SEMA3A: variants seen among roughly 807,000 people sequenced by gnomAD.
SEMA3A encodes the protein semaphorin-3A.
In SEMA3A, 29 loss-of-function variants were observed where a neutral mutation model predicts 97.9. That is an observed-to-expected ratio of 0.30 (90% confidence interval 0.22 to 0.40). SEMA3A has a LOEUF of 0.40. Ranked by LOEUF, SEMA3A falls within the 10% of genes least tolerant of loss-of-function variation. SEMA3A has a pLI of 1.00. For missense variants in SEMA3A, 763 were observed against 951.3 expected (o/e 0.80, Z 2.60); for synonymous variants, 321 against 323.7 (o/e 0.99, Z 0.09).
chr7:84,150,365 G>C (rs1177185298), intron 1 of SEMA3A, among the ~76,000 whole-genome samples: 3 of 152,152 alleles, frequency 2.0e-5, no homozygotes, highest in Non-Finnish European at 4.4e-5. Flanking sequence ...GACAGTGGGC[G>C]CAGGTCAGTG....
intron 3 of SEMA3A, among the ~76,000 whole-genome samples, chr7:84,226,118 A>C: frequency 6.6e-6 from 1 of 152,116 alleles, no homozygotes; most frequent in Admixed American, 6.6e-5. Flanking sequence ...GAGAAAAATT[A>C]TATTTTTCCA....
intron 12 of SEMA3A, among the ~76,000 whole-genome samples, chr7:83,999,167 A>G (rs1790337973): frequency 6.6e-6 from 1 of 152,186 alleles, no homozygotes; most frequent in Admixed American, 6.5e-5. Context: ...TGTGGGATTT[A>G]TTCTTGTCCA....
chr7:84,407,889 T>C (rs1448415539), intron 1 of SEMA3A, among the ~76,000 whole-genome samples: 1 of 152,066 alleles, frequency 6.6e-6, no homozygotes, highest in African/African-American at 2.4e-5. Flanking sequence ...ATACAAAAAT[T>C]AATTCGAGAT....
At position 84,025,848 on chromosome 7, in the gene SEMA3A, G is replaced by A. The variant is rs564966036; in HGVS notation, c.668-11497C>T. ...ATGTTCAAGGTACAAACTAGTAACT[G>A]GCAGAGCCAGGGCATAACAAGAGCC... On this transcript the variant is annotated intron_variant, in intron 6 of 16. Transcript: ENST00000265362. Among the ~76,000 whole-genome samples, 36 of 152,310 alleles carry A rather than the reference G, an allele frequency of 2.4e-4. 2 individuals are homozygous for A. In the South Asian group the frequency reaches 7.3e-3, roughly 31 times the overall value.
intron 4 of SEMA3A, among the ~76,000 whole-genome samples, chr7:84,081,588 G>A (rs963897943): frequency 8.5e-6 from 1 of 118,134 alleles, no homozygotes; most frequent in Non-Finnish European, 1.7e-5. Flanking sequence ...GCGAGACTCC[G>A]TCTCTTAAAA....
chr7:84,015,779 G>A (rs75583389), intron 6 of SEMA3A, among the ~76,000 whole-genome samples: 1,578 of 152,164 alleles, frequency 0.01, 13 homozygotes, highest in Middle Eastern at 0.024. Flanking sequence ...TTTAACATTT[G>A]CTCTGGGACC....
intron 3 of SEMA3A, among the ~76,000 whole-genome samples, chr7:84,113,069 T>C (rs780146141): frequency 6.6e-5 from 10 of 152,196 alleles, no homozygotes; most frequent in Non-Finnish European, 1.3e-4. Context: ...ATTTTGGAAG[T>C]GAAGGTTGAT....
At chr7:84,276,378 G>A (rs1057156973) in intron 3 of SEMA3A, among the ~76,000 whole-genome samples, 1 of 151,886 alleles carries the variant, frequency 6.6e-6, no homozygotes, top group African/African-American at 2.4e-5. Context: ...ATAGTGTTTT[G>A]TCTGTTTCAT....
chr7:84,111,222 C>T (rs1470560676), intron 3 of SEMA3A, among the ~76,000 whole-genome samples: 1 of 152,066 alleles, frequency 6.6e-6, no homozygotes, highest in African/African-American at 2.4e-5. Flanking sequence ...AAATATGTAA[C>T]TATAGATGCA....
chr7:84,220,779 G>A (rs1052138378), intron 3 of SEMA3A, among the ~76,000 whole-genome samples: 1 of 152,092 alleles, frequency 6.6e-6, no homozygotes, highest in African/African-American at 2.4e-5. Context: ...CTAATCAGAC[G>A]TGCTGTCACA....
intron 3 of SEMA3A, among the ~76,000 whole-genome samples, chr7:84,236,025 G>T (rs1343024309): frequency 6.6e-6 from 1 of 151,924 alleles, no homozygotes; most frequent in Non-Finnish European, 1.5e-5. Context: ...AACATCAAAG[G>T]CACATGCCTA....
chr7:84,402,752 T>A (rs948838094), intron 1 of SEMA3A, among the ~76,000 whole-genome samples: 10 of 152,240 alleles, frequency 6.6e-5, no homozygotes, highest in African/African-American at 1.7e-4. Flanking sequence ...AATAATATTC[T>A]ATTACTTTCA....
At chr7:84,299,392 A>G (rs945811344) in intron 3 of SEMA3A, among the ~76,000 whole-genome samples, 3 of 144,640 alleles carry the variant, frequency 2.1e-5, no homozygotes, top group African/African-American at 7.8e-5. Context: ...ATATACACAC[A>G]TCTCCTACTA....
intron 4 of SEMA3A, among the ~76,000 whole-genome samples, chr7:84,108,249 C>T (rs1283826149): frequency 6.6e-6 from 1 of 151,726 alleles, no homozygotes; most frequent in Non-Finnish European, 1.5e-5. Flanking sequence ...GATTAAGCAG[C>T]TAGTACCAAG....
intron 2 of SEMA3A, among the ~76,000 whole-genome samples, chr7:84,337,132 T>C (rs112530090): frequency 7.1e-4 from 108 of 152,258 alleles, no homozygotes; most frequent in Non-Finnish European, 1.3e-3. Flanking sequence ...TGTCAATTCA[T>C]AGCATTGATA....
At chr7:84,318,498 A>G (rs898083982) in intron 2 of SEMA3A, among the ~76,000 whole-genome samples, 3 of 150,872 alleles carry the variant, frequency 2.0e-5, no homozygotes, top group Non-Finnish European at 4.4e-5. Flanking sequence ...AATTTTTTGT[A>G]TTTTTAGTAG....
chr7:84,419,573 A>G (rs1275865507), intron 1 of SEMA3A, among the ~76,000 whole-genome samples: 2 of 152,096 alleles, frequency 1.3e-5, no homozygotes, highest in Non-Finnish European at 2.9e-5. Flanking sequence ...GACTGCCTAA[A>G]GCCTAGGAGG....
chr7:84,113,306 TAA>T (rs1218946274), intron 3 of SEMA3A, among the ~76,000 whole-genome samples: 1 of 152,206 alleles, frequency 6.6e-6, no homozygotes, highest in Non-Finnish European at 1.5e-5. Context: ...AAAACCTACA[TAA>T]AAGAGTATCA....
At chr7:84,218,724 C>T (rs192700946) in intron 3 of SEMA3A, among the ~76,000 whole-genome samples, 1 of 152,146 alleles carries the variant, frequency 6.6e-6, no homozygotes, top group African/African-American at 2.4e-5. Flanking sequence ...ATAAATGACA[C>T]ATTTAGCATG....
Sources: allele counts gnomAD v4.1 joint callset (sites outside exome capture counted in the v4.1 genomes callset), GRCh38; gene constraint gnomAD v4.1.1; transcripts MANE v1.5; gene names NCBI Gene and HGNC (gene_info 2026-07-23, HGNC 2026-07-21).